The following DOCK9 variants were observed in gnomAD, a reference collection of about 807,000 sequenced individuals.
The protein encoded by DOCK9 is dedicator of cytokinesis protein 9.
In DOCK9, 89 loss-of-function variants were observed where a neutral mutation model predicts 263.3. The ratio of observed to expected loss-of-function variants is 0.34; its 90% CI spans 0.28 to 0.40. DOCK9 has a LOEUF of 0.40. DOCK9 is among the 10% of genes least tolerant of loss of function. DOCK9 has a pLI of 1.00. For missense variants in DOCK9, 2,140 were observed against 2,603.4 expected (o/e 0.82, Z 3.87); for synonymous variants, 976 against 973.1 (o/e 1.00, Z -0.06).
intron 1 of DOCK9, among the ~76,000 whole-genome samples, chr13:99,052,280 C>A (rs956800049): frequency 6.6e-6 from 1 of 152,174 alleles, no homozygotes; most frequent in Admixed American, 6.5e-5. Flanking sequence ...GAGACCCTCA[C>A]CCCTGGCCCA....
At chr13:98,890,774 A>C (rs2046500515) in intron 15 of DOCK9, among the ~76,000 whole-genome samples, 1 of 152,160 alleles carries the variant, frequency 6.6e-6, no homozygotes, top group Non-Finnish European at 1.5e-5. Flanking sequence ...GACTTCCCTA[A>C]AATTTCTAAA....
chr13:99,065,836 C>T (rs2041390896), intron 1 of DOCK9, among the ~76,000 whole-genome samples: 2 of 152,186 alleles, frequency 1.3e-5, no homozygotes, highest in South Asian at 4.1e-4. Context: ...TCTCACTCAT[C>T]CTGATTCCTC....
At chr13:98,836,576 T>A (rs1594517337) in intron 39 of DOCK9, among the ~76,000 whole-genome samples, 1 of 152,222 alleles carries the variant, frequency 6.6e-6, no homozygotes, top group East Asian at 1.9e-4. Flanking sequence ...AGGCTCCAGG[T>A]AATGAGGCGC....
chr13:98,853,983 C>T (rs2093637742), intron 34 of DOCK9, among the ~76,000 whole-genome samples: 1 of 152,194 alleles, frequency 6.6e-6, no homozygotes, highest in African/African-American at 2.4e-5. Context: ...CAAAGCACCC[C>T]AGAACCTGGA....
intron 1 of DOCK9, chr13:99,015,926 G>A: frequency 2.9e-6 from 1 of 349,864 alleles, no homozygotes; most frequent in Non-Finnish European, 4.2e-6. Context: ...AAATAAGCAG[G>A]AGATTTACAT....
At chr13:98,876,383 T>G (rs1289580885) in intron 27 of DOCK9, among the ~76,000 whole-genome samples, 2 of 152,128 alleles carry the variant, frequency 1.3e-5, no homozygotes, top group Admixed American at 6.5e-5. Flanking sequence ...CTCAGCTACT[T>G]GGGAGGCTAA....
At chr13:98,964,965 C>T (rs1017795393) in intron 1 of DOCK9, among the ~76,000 whole-genome samples, 1 of 152,206 alleles carries the variant, frequency 6.6e-6, no homozygotes, top group Non-Finnish European at 1.5e-5. Flanking sequence ...GCCCCCTGCT[C>T]CACCTTCACC....
At chr13:98,839,508 G>A (rs1467088635) in intron 38 of DOCK9, among the ~76,000 whole-genome samples, 1 of 152,202 alleles carries the variant, frequency 6.6e-6, no homozygotes, top group Admixed American at 6.5e-5. Context: ...TGATCATACA[G>A]GTCCAAGGGA....
At chr13:98,835,310 C>T (rs779719573) in intron 39 of DOCK9, among the ~76,000 whole-genome samples, 3 of 152,150 alleles carry the variant, frequency 2.0e-5, no homozygotes, top group Non-Finnish European at 4.4e-5. Flanking sequence ...CCAACTGATG[C>T]CTGAGTAAAT....
At chr13:98,944,305 G>A (rs531553773) in intron 2 of DOCK9, among the ~76,000 whole-genome samples, 21 of 135,738 alleles carry the variant, frequency 1.5e-4, no homozygotes, top group African/African-American at 5.5e-4. Flanking sequence ...TGTAGTTAAT[G>A]TCAACTACCC....
intron 6 of DOCK9, among the ~76,000 whole-genome samples, 193 bp from the exon 7 acceptor site, chr13:98,921,281 G>A (rs1432669104): frequency 6.6e-6 from 1 of 152,174 alleles, no homozygotes; most frequent in Non-Finnish European, 1.5e-5. Flanking sequence ...TTCTGAGGAG[G>A]TGGTTCCCCT....
In DOCK9 at chr13:98,829,942, C is replaced by G. The variant is rs1274028964; in HGVS notation, c.4636-186G>C. Among the ~76,000 whole-genome samples the G allele has an allele frequency of 6.6e-6, 1 of 152,162 alleles. No homozygotes were observed. The highest frequency in any genetic ancestry group is 1.5e-5 in the Non-Finnish European group (1 of 68,032). On this transcript the variant is annotated intron_variant, in intron 41 of 52. Coordinates refer to ENST00000682017, the MANE Select transcript of DOCK9 (RefSeq NM_001366683.2). The surrounding 1 kb of genome is among the most constrained non-coding windows in gnomAD (Gnocchi z 4.1). ...TTTTCTTCCCCTTTAAGAATAATTA[C>G]AGAAAGTGATTCTGCTATCCTTAAA...
At chr13:98,795,296 G>A (rs11618293) in intron 52 of DOCK9, among the ~76,000 whole-genome samples, 2,598 of 152,284 alleles carry the variant, frequency 0.017, 35 homozygotes, top group East Asian at 0.051. Context: ...AGGGTCTTAC[G>A]GATTTTGTCT....
chr13:98,998,340 C>CT (rs1405519755), intron 1 of DOCK9, among the ~76,000 whole-genome samples: 1 of 152,308 alleles, frequency 6.6e-6, no homozygotes, highest in South Asian at 2.1e-4. Context: ...TGCTCACCCT[C>CT]TGGGTATCCA....
chr13:98,832,880 C>T (rs1190680057), intron 39 of DOCK9: 1 of 152,212 alleles, frequency 6.6e-6, no homozygotes. Flanking sequence ...AACTTATGTC[C>T]ATATAATTTT....
intron 1 of DOCK9, among the ~76,000 whole-genome samples, chr13:98,969,316 A>G (rs11843068): frequency 0.36 from 54,549 of 152,070 alleles, 10,204 homozygotes; most frequent in Middle Eastern, 0.48. Flanking sequence ...TTGGATATTG[A>G]TGGCTAAACC....
chr13:98,872,962 G>A (rs1448846983), intron 27 of DOCK9, among the ~76,000 whole-genome samples: 1 of 152,214 alleles, frequency 6.6e-6, no homozygotes, highest in Non-Finnish European at 1.5e-5. Context: ...AGGGTGGAAA[G>A]GAAGCTGCAG....
intron 45 of DOCK9, among the ~76,000 whole-genome samples, chr13:98,823,243 C>A (rs1244055553): frequency 6.6e-6 from 1 of 152,136 alleles, no homozygotes. Flanking sequence ...GCCTGTTTGA[C>A]AGGCTGTTTG....
At chr13:98,902,087 G>A (rs1445611033) in intron 12 of DOCK9, among the ~76,000 whole-genome samples, 187 bp from the exon 13 acceptor site, 1 of 152,190 alleles carries the variant, frequency 6.6e-6, no homozygotes, top group African/African-American at 2.4e-5. Flanking sequence ...AGGTAACTAG[G>A]AGAACTTTTA....
Sources: allele counts gnomAD v4.1 joint callset (sites outside exome capture counted in the v4.1 genomes callset), GRCh38; gene constraint gnomAD v4.1.1; non-coding constraint Gnocchi (gnomAD v3.1); transcripts MANE v1.5; gene names NCBI Gene and HGNC (gene_info 2026-07-23, HGNC 2026-07-21).